The following WDR70 variants were observed in gnomAD, a reference collection of about 807,000 sequenced individuals.
The protein encoded by WDR70 is WD repeat-containing protein 70.
In WDR70, 53 loss-of-function variants were observed where a neutral mutation model predicts 88.6. The ratio of observed to expected loss-of-function variants is 0.60; its 90% CI spans 0.48 to 0.75. The LOEUF is 0.75. WDR70 is among the 30% of genes least tolerant of loss of function. WDR70 has a pLI of 0.00. For synonymous variants in WDR70, 280 were observed against 270.0 expected (o/e 1.04, Z -0.36); for missense variants, 610 against 823.2 (o/e 0.74, Z 3.17).
intron 3 of WDR70, among the ~76,000 whole-genome samples, chr5:37,386,350 A>T (rs1361196408): frequency 7.2e-5 from 11 of 152,126 alleles, no homozygotes; most frequent in South Asian, 2.1e-4. Flanking sequence ...TTATTTACTT[A>T]TTTATTTTTT....
intron 17 of WDR70, among the ~76,000 whole-genome samples, chr5:37,750,551 G>A (rs562571603): frequency 6.6e-6 from 1 of 152,176 alleles, no homozygotes; most frequent in South Asian, 2.1e-4. Context: ...AGAGTGATAT[G>A]GTTTGGCTGT....
intron 11 of WDR70, among the ~76,000 whole-genome samples, chr5:37,699,395 A>C: frequency 4.1e-5 from 1 of 24,656 alleles, no homozygotes; most frequent in South Asian, 4.7e-3. Context: ...ATGTGTGTAT[A>C]TATATATACA....
intron 9 of WDR70, among the ~76,000 whole-genome samples, chr5:37,540,228 G>T (rs546769917): frequency 1.3e-5 from 2 of 152,158 alleles, no homozygotes; most frequent in East Asian, 1.9e-4. Flanking sequence ...GAACAAATAC[G>T]TTTGCTGAAT....
intron 10 of WDR70, among the ~76,000 whole-genome samples, chr5:37,606,025 A>G (rs1744022210): frequency 1.3e-5 from 2 of 152,228 alleles, no homozygotes; most frequent in South Asian, 4.1e-4. Flanking sequence ...ACTACATACT[A>G]TAAACTAGGC....
chr5:37,725,572 G>A (rs547339577), intron 16 of WDR70, among the ~76,000 whole-genome samples: 2 of 152,026 alleles, frequency 1.3e-5, no homozygotes, highest in African/African-American at 4.8e-5. Flanking sequence ...AGTATAGCAC[G>A]TACCTTGACT....
chr5:37,505,481 A>G (rs1305912720), intron 8 of WDR70, among the ~76,000 whole-genome samples: 1 of 152,164 alleles, frequency 6.6e-6, no homozygotes, highest in Non-Finnish European at 1.5e-5. Flanking sequence ...ATACCTATTA[A>G]TGAGTGCTTT....
chr5:37,683,911 C>T (rs1746510024), intron 10 of WDR70, among the ~76,000 whole-genome samples: 1 of 152,186 alleles, frequency 6.6e-6, no homozygotes, highest in Admixed American at 6.5e-5. Flanking sequence ...GCAAAGTTCT[C>T]ATGGATGATA....
At chr5:37,672,138 T>C (rs1460401607) in intron 10 of WDR70, among the ~76,000 whole-genome samples, 1 of 152,082 alleles carries the variant, frequency 6.6e-6, no homozygotes, top group Non-Finnish European at 1.5e-5. Flanking sequence ...TTGGTAAAAG[T>C]CATTGCCATT....
chr5:37,696,367 G>A (rs1746981598), intron 10 of WDR70, among the ~76,000 whole-genome samples: 1 of 152,168 alleles, frequency 6.6e-6, no homozygotes, highest in Admixed American at 6.5e-5. Context: ...GTAAGGTGGT[G>A]TACTCATTAC....
At chr5:37,406,979 A>G (rs151237622) in intron 5 of WDR70, among the ~76,000 whole-genome samples, 23 of 152,308 alleles carry the variant, frequency 1.5e-4, no homozygotes, top group African/African-American at 5.3e-4. Context: ...AAAAGGAACT[A>G]ACGAAAACTG....
chr5:37,428,007 CTT>C (rs34888958), intron 5 of WDR70, among the ~76,000 whole-genome samples: 14 of 144,220 alleles, frequency 9.7e-5, no homozygotes, highest in Middle Eastern at 3.7e-3. Context: ...ATGTATCCTC[CTT>C]TTTTTTTTTT....
At chr5:37,639,813 T>A (rs879395583) in intron 10 of WDR70, among the ~76,000 whole-genome samples, 3 of 152,226 alleles carry the variant, frequency 2.0e-5, no homozygotes, top group African/African-American at 4.8e-5. Context: ...AATAGTCATT[T>A]ACTTTTAAAT....
At chr5:37,720,729 C>A (rs1327518691) in intron 13 of WDR70, among the ~76,000 whole-genome samples, 1 of 152,116 alleles carries the variant, frequency 6.6e-6, no homozygotes, top group Non-Finnish European at 1.5e-5. Context: ...TCCAGAGGGA[C>A]ATATTGTATG....
intron 17 of WDR70, among the ~76,000 whole-genome samples, chr5:37,742,945 G>A (rs1748526910): frequency 6.6e-6 from 1 of 152,240 alleles, no homozygotes; most frequent in Non-Finnish European, 1.5e-5. Context: ...TTTGGGGAAA[G>A]GGGACCATTA....
At chr5:37,433,398 CAG>C (rs1382809913) in intron 5 of WDR70, among the ~76,000 whole-genome samples, 3 of 152,100 alleles carry the variant, frequency 2.0e-5, no homozygotes, top group African/African-American at 7.2e-5. Flanking sequence ...TTCTATGACT[CAG>C]AGCTTAAACT....
chr5:37,407,035 G>T (rs923979019), intron 5 of WDR70, among the ~76,000 whole-genome samples: 12 of 152,168 alleles, frequency 7.9e-5, no homozygotes, highest in Non-Finnish European at 1.6e-4. Flanking sequence ...AAATGTGAAA[G>T]ATAACTTTTT....
At chr5:37,535,161 T>A (rs913232042) in intron 9 of WDR70, among the ~76,000 whole-genome samples, 5 of 151,772 alleles carry the variant, frequency 3.3e-5, no homozygotes, top group Non-Finnish European at 7.4e-5. Context: ...AGCAAAACGA[T>A]AAAGAGTAGG....
At chr5:37,415,671 C>CT (rs1385094214) in intron 5 of WDR70, among the ~76,000 whole-genome samples, 1 of 151,120 alleles carries the variant, frequency 6.6e-6, no homozygotes, top group Non-Finnish European at 1.5e-5. Context: ...GCTGACCCCC[C>CT]CACCTCCCTC....
intron 5 of WDR70, among the ~76,000 whole-genome samples, chr5:37,436,817 C>T (rs1213667572): frequency 6.7e-6 from 1 of 149,632 alleles, no homozygotes. Flanking sequence ...TGTTTATATG[C>T]TGAAGAGAAA....
Sources: gnomAD v4.1 joint callset for allele counts (sites outside exome capture counted in the v4.1 genomes callset) on GRCh38, gnomAD v4.1.1 for gene constraint, MANE v1.5 for transcripts, NCBI Gene and HGNC (gene_info 2026-07-23, HGNC 2026-07-21) for gene names.